Variants in MGAT4D observed in about 807,000 individuals in gnomAD.
The protein encoded by MGAT4D is MGAT4 family member D, also known as alpha-1,3-mannosyl-glycoprotein 4-beta-N-acetylglucosaminyltransferase-like protein MGAT4D.
A neutral mutation model predicts 15.9 loss-of-function variants in MGAT4D; 34 were observed. That is an observed-to-expected ratio of 2.14 (90% CI 1.62 to 2.84). The LOEUF (loss-of-function observed/expected upper bound fraction) is 2.84, where lower values mean the gene tolerates loss of function less well. Ranked by LOEUF, MGAT4D falls within the 30% of genes most tolerant of loss-of-function variation. MGAT4D has a pLI of 0.00. For missense variants in MGAT4D, 327 were observed against 140.2 expected (o/e 2.33, Z -6.73); for synonymous variants, 112 against 48.2 (o/e 2.33, Z -5.49).
chr4:140,488,695 A>T (rs1018693096), intron 1 of MGAT4D, among the ~76,000 whole-genome samples: 1 of 152,182 alleles, frequency 6.6e-6, no homozygotes, highest in Non-Finnish European at 1.5e-5. Context: ...ATGGTATGTG[A>T]TATAGTTTGA....
intron 10 of MGAT4D, among the ~76,000 whole-genome samples, chr4:140,444,944 C>T (rs570271208): frequency 4.0e-5 from 6 of 151,190 alleles, no homozygotes; most frequent in South Asian, 2.1e-4. Flanking sequence ...TGCAATGGTG[C>T]GATCTTGGCC....
rs61131099 is a variant in MGAT4D at position 140,485,810 on chromosome 4, T to TAAAAAAAAA, written c.95-3334_95-3326dup. Among the ~76,000 whole-genome samples the TAAAAAAAAA allele has an allele frequency of 4.8e-3, 63 of 13,026 alleles. 15 individuals carry two copies. Among genetic ancestry groups the TAAAAAAAAA allele is most frequent in the Non-Finnish European group, 5.9e-3 (43 of 7,246 alleles). 8.5% of individuals were successfully genotyped at this position (13,026 alleles called of 152,430 possible). On this transcript the variant is annotated intron_variant, in intron 1 of 10. Transcript: ENST00000511113. ...TGAGCAACAGAGCAAGACCCTGTCT[T>TAAAAAAAAA]AAAAAAAAAAAAAAAAAAAAAAAAA...
At chr4:140,445,774 A>G (rs1304994796) in intron 10 of MGAT4D, among the ~76,000 whole-genome samples, 1 of 152,158 alleles carries the variant, frequency 6.6e-6, no homozygotes, top group Admixed American at 6.5e-5. Context: ...AGCGCCATTT[A>G]TTGAATAGGA....
At chr4:140,486,217 T>C (rs1425723648) in intron 1 of MGAT4D, among the ~76,000 whole-genome samples, 1 of 152,084 alleles carries the variant, frequency 6.6e-6, no homozygotes, top group Non-Finnish European at 1.5e-5. Flanking sequence ...TCTTCCCCCA[T>C]ATCCTTTCAT....
rs1286366473 is a variant in MGAT4D, at chr4:140,464,889, G to A, written c.686+7C>T. ...ATTTAAGGCTACTATTTTCTAATAT[G>A]ACATACCTGGCTAATTTTTGTGAGG... On this transcript the variant is annotated splice_region_variant and intron_variant, in intron 6 of 10. Transcript: ENST00000511113. 3 of 701,850 alleles carry A rather than the reference G, an allele frequency of 4.3e-6. No individual in the cohort carries two copies. Among genetic ancestry groups the A allele is most frequent in the Non-Finnish European group, 7.8e-6 (3 of 384,656 alleles). 43.5% of individuals were successfully genotyped at this position (701,850 alleles called of 1,614,324 possible).
At position 140,445,290 on chromosome 4, in the gene MGAT4D, A is replaced by AT. The variant is rs541266474; in HGVS notation, c.1117-1847dup. Among the ~76,000 whole-genome samples, 246 of 151,650 alleles carry AT rather than the reference A, an allele frequency of 1.6e-3. 1 individual carries two copies. The highest frequency in any genetic ancestry group is 6.5e-4 in the Non-Finnish European group (44 of 67,858). ...TCTCTAATGCTTAGTGATACTGAGC[A>AT]TTTTTTTTCATATGCTTCTTGGCTG... On this transcript the variant is annotated intron_variant, in intron 10 of 10. Transcript: ENST00000511113.
Position 140,498,160 on chromosome 4 carries a change from A to G in MGAT4D, c.63T>C (p.Ser21=). 2.8e-6 allele frequency: 2 copies of G among 702,642 alleles called. No homozygotes were observed. The highest frequency in any genetic ancestry group is 5.2e-6 in the Non-Finnish European group (2 of 384,724). The allele number at this position is 702,642 out of a possible 1,614,324, so 43.5% of individuals were successfully genotyped here. ...GAGTTATCCTGTAGATGGAGAAGCA[A>G]GAGAAGCTGAACAACGCGACGGCGA... The part of the protein sequence containing the change: ...TLVAVALFSF[S]CFSIYRITQT... The change falls in exon 1 of 11, where the codon TCT becomes TCC. Residue 21 remains serine, a synonymous_variant. Coordinates refer to ENST00000511113, the MANE Select transcript of MGAT4D (RefSeq NM_001277353.2).
At chr4:140,488,669 T>C (rs916848919) in intron 1 of MGAT4D, among the ~76,000 whole-genome samples, 1 of 152,176 alleles carries the variant, frequency 6.6e-6, no homozygotes, top group Admixed American at 6.5e-5. Flanking sequence ...CATAAGTGCA[T>C]AGAGTGTGAA....
At position 140,442,819 on chromosome 4, in the gene MGAT4D, A is replaced by G. The variant is rs1485151692; in HGVS notation, c.*617T>C. 6 of 121,182 alleles carry G rather than the reference A, an allele frequency of 5.0e-5. No homozygotes were observed. The highest frequency in any genetic ancestry group is 7.8e-5 in the Non-Finnish European group (4 of 51,446). 7.5% of individuals were successfully genotyped at this position (121,182 alleles called of 1,614,324 possible). A position where few individuals can be genotyped will look rare whatever the true frequency, so the allele number is the denominator to read the frequency against. The stretch of plus-strand genomic sequence containing the variant: ...GATGGAGAAAACCAATATATTTGGG[A>G]AAAAAACTCCCAAATAATCTGTGTG... On this transcript the variant is annotated 3_prime_UTR_variant, in exon 11 of 11. Coordinates refer to ENST00000511113, the MANE Select transcript of MGAT4D (RefSeq NM_001277353.2).
At chr4:140,458,915 A>C (rs1478494973) in intron 8 of MGAT4D, 1 of 152,162 alleles carries the variant, frequency 6.6e-6, no homozygotes, top group African/African-American at 2.4e-5. Context: ...TAATATAAGC[A>C]GTATGGTAAT....
chr4:140,472,507 G>A (rs1732034044), intron 4 of MGAT4D, among the ~76,000 whole-genome samples: 1 of 149,176 alleles, frequency 6.7e-6, no homozygotes, highest in South Asian at 2.1e-4. Flanking sequence ...TGTTGAATCT[G>A]AGTACTCTGA....
intron 9 of MGAT4D, among the ~76,000 whole-genome samples, chr4:140,454,660 A>G (rs1043813729): frequency 3.3e-5 from 5 of 152,136 alleles, no homozygotes; most frequent in African/African-American, 1.2e-4. Context: ...TGGAGAAGGT[A>G]TTATATACAA....
rs1363188696 is a variant in MGAT4D at position 140,479,548 on chromosome 4, A to G, written c.333T>C (p.His111=). 1.1e-5 allele frequency: 6 copies of G among 556,998 alleles called. No individual in the cohort carries two copies. Among genetic ancestry groups the G allele is most frequent in the Non-Finnish European group, 1.9e-5 (6 of 314,346 alleles). 34.5% of individuals were successfully genotyped at this position (556,998 alleles called of 1,614,324 possible). Residue 111 remains histidine, a synonymous_variant, in exon 3 of 11, where the codon CAT becomes CAC. Coordinates refer to ENST00000511113, the MANE Select transcript of MGAT4D (RefSeq NM_001277353.2). ...GATAAATTCTACCTTCTTTCCTTAGATGAGGAAAAAAGAACTTTAAGTCTT... is the reference window on the plus strand; with the variant it reads ...GATAAATTCTACCTTCTTTCCTTAGGTGAGGAAAAAAGAACTTTAAGTCTT... ...TFEDLKFFFP[H]LRKEGRIYPD... is the part of the protein sequence containing the mutation.
intron 4 of MGAT4D, among the ~76,000 whole-genome samples, chr4:140,473,868 A>ATT (rs3086801): frequency 6.2e-4 from 92 of 147,238 alleles, no homozygotes; most frequent in Admixed American, 1.1e-3. Flanking sequence ...CTAGCTAAGC[A>ATT]TTTTTTTTTT....
In MGAT4D at chr4:140,483,476, A is replaced by G. The variant is rs545566600; in HGVS notation, c.95-991T>C. Among the ~76,000 whole-genome samples the G allele has an allele frequency of 3.3e-5, 5 of 152,328 alleles. No homozygotes were observed. In the South Asian group the frequency reaches 1.0e-3, roughly 32 times the overall value. On this transcript the variant is annotated intron_variant, in intron 1 of 10. Coordinates refer to ENST00000511113, the MANE Select transcript of MGAT4D (RefSeq NM_001277353.2). ...CTACAGATTCAATGCAATCCTTAAA[A>G]AAATCCAATTACGTTTTTCACAGAA...
intron 9 of MGAT4D, among the ~76,000 whole-genome samples, chr4:140,456,000 G>A (rs375749388): frequency 2.0e-5 from 3 of 152,242 alleles, no homozygotes; most frequent in African/African-American, 7.2e-5. Context: ...AGCTGGGCAT[G>A]GTGGCGTGCA....
chr4:140,483,267 A>G (rs1732865092), intron 1 of MGAT4D, among the ~76,000 whole-genome samples: 1 of 152,162 alleles, frequency 6.6e-6, no homozygotes, highest in South Asian at 2.1e-4. Flanking sequence ...CAGTCAAACC[A>G]CACCATTTAC....
chr4:140,490,798 C>T (rs1733453291), intron 1 of MGAT4D, among the ~76,000 whole-genome samples: 2 of 152,172 alleles, frequency 1.3e-5, no homozygotes, highest in Non-Finnish European at 2.9e-5. Context: ...TTTTCCATCC[C>T]TTTTCTTCCA....
intron 10 of MGAT4D, among the ~76,000 whole-genome samples, chr4:140,447,994 T>C (rs1247412880): frequency 6.6e-6 from 1 of 152,194 alleles, no homozygotes; most frequent in Non-Finnish European, 1.5e-5. Flanking sequence ...AAATTCTTGG[T>C]TGAAGATATT....
Sources: allele counts gnomAD v4.1 joint callset (sites outside exome capture counted in the v4.1 genomes callset), GRCh38; gene constraint gnomAD v4.1.1; transcripts MANE v1.5; gene names NCBI Gene and HGNC (gene_info 2026-07-23, HGNC 2026-07-21).